The following ANKAR variants were observed in gnomAD, a reference collection of about 807,000 sequenced individuals.
ANKAR encodes ankyrin and armadillo repeat-containing protein.
Under a neutral mutation model 146.2 loss-of-function variants are expected in ANKAR, and 136 were observed. That is an observed-to-expected ratio of 0.93 (90% CI 0.81 to 1.07). The LOEUF (loss-of-function observed/expected upper bound fraction) is 1.07, where lower values mean the gene tolerates loss of function less well. Among genes scored for constraint, ANKAR ranks in the 50% least tolerant of loss-of-function variants. The pLI is 0.00. For missense variants in ANKAR, 1,567 were observed against 1,679.9 expected (o/e 0.93, Z 1.18); for synonymous variants, 500 against 575.8 (o/e 0.87, Z 1.88).
chr2:189,684,918 AT>A (rs1236037571), intron 2 of ANKAR, among the ~76,000 whole-genome samples: 1 of 151,348 alleles, frequency 6.6e-6, no homozygotes, highest in Admixed American at 6.6e-5. Context: ...ATTTGATCCA[AT>A]TTTTTATTAA....
At chr2:189,718,292 T>TTATC (rs2040771870) in intron 10 of ANKAR, among the ~76,000 whole-genome samples, 1 of 151,524 alleles carries the variant, frequency 6.6e-6, no homozygotes, top group Non-Finnish European at 1.5e-5. Flanking sequence ...GTCTTTGTCT[T>TTATC]TATCTATATC....
rs532038901 is a variant in ANKAR, at chr2:189,708,369, C to T, written c.2119+1223C>T. ...GTTAAGCTATTACTATGCCTACAGACTTTATTATAGATATGTATGTTCAGA... is the reference window on the plus strand; with the variant it reads ...GTTAAGCTATTACTATGCCTACAGATTTTATTATAGATATGTATGTTCAGA... On this transcript the variant is annotated intron_variant, in intron 9 of 22. Transcript: ENST00000684021. 2.6e-5 allele frequency among the ~76,000 whole-genome samples: 4 copies of T among 152,274 alleles called. No homozygotes were observed. In the East Asian group the frequency reaches 7.7e-4, roughly 29 times the overall value.
At chr2:189,733,365 G>T in intron 17 of ANKAR, 136 bp downstream of exon 17, 2 of 733,050 alleles carry the variant, frequency 2.7e-6, no homozygotes, top group South Asian at 3.0e-5. Flanking sequence ...TCTCTTTGTA[G>T]GTCATTAGTT....
chr2:189,746,354 G>A (rs773478408), intron 22 of ANKAR, 26 bp from the exon 23 acceptor site: 3 of 1,581,574 alleles, frequency 1.9e-6, no homozygotes, highest in South Asian at 1.2e-5. Context: ...TCTCAGGAGA[G>A]ACATTTAATT....
chr2:189,697,506 T>C (rs796818856), intron 7 of ANKAR, among the ~76,000 whole-genome samples: 4 of 152,258 alleles, frequency 2.6e-5, no homozygotes, highest in African/African-American at 9.6e-5. Context: ...GTATTGAATA[T>C]CCATAAATTC....
At chr2:189,676,306 C>G (rs2033663539) in intron 1 of ANKAR, 150 bp from the exon 2 acceptor site, 1 of 587,732 alleles carries the variant, frequency 1.7e-6, no homozygotes, top group Non-Finnish European at 2.8e-6. Context: ...TTTTCATATA[C>G]TGCAGTTATT....
At chr2:189,694,956 T>G (rs779954461) in intron 5 of ANKAR, 25 bp from the exon 6 acceptor site, 2 of 1,375,720 alleles carry the variant, frequency 1.5e-6, no homozygotes, top group Non-Finnish European at 1.9e-6. Flanking sequence ...TAGAGAAACA[T>G]CTTTTTTTTC....
chr2:189,718,580 G>A (rs1453595872), intron 10 of ANKAR, among the ~76,000 whole-genome samples: 1 of 152,118 alleles, frequency 6.6e-6, no homozygotes, highest in African/African-American at 2.4e-5. Context: ...TGAACTTAAA[G>A]AAGTCATGAG....
chr2:189,745,030 A>ACTACTACTACTACTACTACTACTACTAC (rs1380926394), intron 22 of ANKAR, among the ~76,000 whole-genome samples: 2,821 of 64,980 alleles, frequency 0.043, 56 homozygotes, highest in Admixed American at 0.063. Context: ...ACTACTACTA[A>ACTACTACTACTACTACTACTACTACTAC]TAATACAAAA....
chr2:189,679,924 T>C (rs1038115182), intron 2 of ANKAR, among the ~76,000 whole-genome samples: 3 of 152,226 alleles, frequency 2.0e-5, no homozygotes, highest in South Asian at 2.1e-4. Flanking sequence ...TTTTTTGTTA[T>C]GTCCTTTCCT....
intron 12 of ANKAR, among the ~76,000 whole-genome samples, chr2:189,726,086 T>C (rs1207653943): frequency 6.6e-6 from 1 of 152,188 alleles, no homozygotes; most frequent in Non-Finnish European, 1.5e-5. Flanking sequence ...GGAAAATTAG[T>C]ATTTTGCAAA....
At chr2:189,759,253 C>CTT (rs111345865) in intron 18 of ANKAR, among the ~76,000 whole-genome samples, 21 of 144,564 alleles carry the variant, frequency 1.5e-4, no homozygotes, top group African/African-American at 3.8e-4. Context: ...GTTAATTTTC[C>CTT]TTTTTTTTTT....
At chr2:189,734,353 A>T (rs963204647) in intron 17 of ANKAR, among the ~76,000 whole-genome samples, 1 of 152,072 alleles carries the variant, frequency 6.6e-6, no homozygotes, top group Non-Finnish European at 1.5e-5. Context: ...AAGGGCAATT[A>T]AAAAAATTCC....
chr2:189,747,485 G>C (rs980096526), downstream of ANKAR, among the ~76,000 whole-genome samples: 5 of 152,150 alleles, frequency 3.3e-5, no homozygotes, highest in East Asian at 1.9e-4. Context: ...TCAAGTACAT[G>C]AGTATGGCTT....
At chr2:189,753,835 C>T in intron 18 of ANKAR, 1 of 1,456,742 alleles carries the variant, frequency 6.9e-7, no homozygotes, top group Non-Finnish European at 9.3e-7. Context: ...TCTGTTCATC[C>T]TAAACACAAG....
chr2:189,762,775 C>T (rs1362763630), downstream of ANKAR: 4 of 985,390 alleles, frequency 4.1e-6, no homozygotes, highest in South Asian at 4.7e-5. Context: ...AAGCCCGAAC[C>T]TGGCGCCCGG....
intron 19 of ANKAR, among the ~76,000 whole-genome samples, chr2:189,740,039 T>G (rs1280622862): frequency 2.0e-5 from 3 of 152,172 alleles, no homozygotes; most frequent in Non-Finnish European, 4.4e-5. Context: ...AGGCCTCAGG[T>G]ATAGTGTAAA....
At chr2:189,753,367 T>C (rs556252325) in intron 18 of ANKAR, among the ~76,000 whole-genome samples, 1 of 152,308 alleles carries the variant, frequency 6.6e-6, no homozygotes, top group African/African-American at 2.4e-5. Context: ...ATTTAAACAT[T>C]TTCCCACTTT....
Position 189,692,316 on chromosome 2 carries a change from C to G in ANKAR, c.1101C>G (p.Cys367Trp), listed in dbSNP as rs1288035741. ...TTATTTATGGAAGAGATTTTAAATG[C>G]CAGAATTTTCACTACAAAGAGAATC... ...PPFIYGRDFK[C>W]QNFHYKENQY... is the part of the protein sequence containing the mutation. Residue 367 changes from cysteine to tryptophan, a missense_variant, in exon 4 of 23, where the codon TGC (cysteine) becomes TGG (tryptophan). Physicochemically the swap from Cys to Trp is radical, Grantham distance 215. Coordinates refer to ENST00000684021, the MANE Select transcript of ANKAR (RefSeq NM_001378068.1). 1 of 1,613,016 alleles carries G rather than the reference C, an allele frequency of 6.2e-7. No homozygotes were observed. The highest frequency in any genetic ancestry group is 1.7e-5 in the Admixed American group (1 of 59,862).
Sources: gnomAD v4.1 joint callset for allele counts (sites outside exome capture counted in the v4.1 genomes callset) on GRCh38, gnomAD v4.1.1 for gene constraint, MANE v1.5 for transcripts, NCBI Gene and HGNC (gene_info 2026-07-23, HGNC 2026-07-21) for gene names.